The following ANK2 variants were observed in gnomAD, a reference collection of about 807,000 sequenced individuals.
The protein encoded by ANK2 is ankyrin-2.
Under a neutral mutation model 360.5 loss-of-function variants are expected in ANK2, and 83 were observed. The observed-to-expected ratio is 0.23, with a 90% confidence interval of 0.19 to 0.28. ANK2 has a LOEUF of 0.28. ANK2 is among the 10% of genes least tolerant of loss of function. ANK2 has a pLI of 1.00. For missense variants in ANK2, 4,201 were observed against 4,795.7 expected, an observed-to-expected ratio of 0.88 and a Z score of 3.66; for synonymous variants, 1,740 against 1,759.5, an observed-to-expected ratio of 0.99 and a Z score of 0.28.
chr4:113,021,955 C>T (rs940164430), intron 2 of ANK2, among the ~76,000 whole-genome samples: 1 of 152,162 alleles, frequency 6.6e-6, no homozygotes, highest in Non-Finnish European at 1.5e-5. Flanking sequence ...CTTTCTTCAT[C>T]GTCCATTTCC....
intron 1 of ANK2, among the ~76,000 whole-genome samples, chr4:113,130,967 A>T (rs928988168): frequency 2.6e-5 from 4 of 152,192 alleles, no homozygotes. Flanking sequence ...GAAATTAAAG[A>T]TGTTATGAAG....
intron 2 of ANK2, among the ~76,000 whole-genome samples, chr4:113,022,477 T>C (rs970720071): frequency 5.3e-5 from 8 of 152,194 alleles, no homozygotes; most frequent in South Asian, 2.1e-4. Context: ...TTGTTCTTGG[T>C]GAGTCTAGCA....
chr4:112,939,046 A>G (rs932363268), intron 2 of ANK2, among the ~76,000 whole-genome samples: 3 of 152,198 alleles, frequency 2.0e-5, no homozygotes, highest in Non-Finnish European at 4.4e-5. Context: ...CAAGTTTGTC[A>G]GAGTTGGTTT....
intron 1 of ANK2, among the ~76,000 whole-genome samples, chr4:112,862,852 C>A (rs2068605798): frequency 6.6e-6 from 1 of 151,734 alleles, no homozygotes; most frequent in South Asian, 2.1e-4. Flanking sequence ...GAGTTTGAGT[C>A]CAGCCTGGGT....
rs1047804656 is a variant in ANK2 at position 113,149,897 on chromosome 4, A to G, written c.85-24519A>G. ...CTCAAAAAAAAAAAAAAAAAAAAAA[A>G]AAAGAAAGATTGAAAGAAGAGAAGA... is the stretch of plus-strand genomic sequence containing the variant. On this transcript the variant is annotated intron_variant, in intron 1 of 45. Transcript: ENST00000357077. Among the ~76,000 whole-genome samples, 23 of 150,364 alleles carry G rather than the reference A, an allele frequency of 1.5e-4. No individual in the cohort carries two copies. The South Asian group carries it at 3.6e-3, about 24-fold the overall frequency.
intron 1 of ANK2, among the ~76,000 whole-genome samples, chr4:113,122,422 A>G (rs939094855): frequency 6.6e-6 from 1 of 152,190 alleles, no homozygotes; most frequent in Non-Finnish European, 1.5e-5. Context: ...CAGCCAGAAT[A>G]ACATGGCACT....
chr4:113,250,993 C>T (rs554021856), intron 10 of ANK2, among the ~76,000 whole-genome samples: 4 of 152,116 alleles, frequency 2.6e-5, no homozygotes, highest in Non-Finnish European at 5.9e-5. Context: ...AAATAATTAT[C>T]CGCGTTACTT....
the ANK2 span, among the ~76,000 whole-genome samples, chr4:112,740,756 G>A: frequency 7.4e-3 from 1,131 of 151,852 alleles, 19 homozygotes; most frequent in African/African-American, 0.026. Flanking sequence ...GCTTACGTCC[G>A]TAATCCCAGC....
intron 4 of ANK2, among the ~76,000 whole-genome samples, chr4:113,204,033 C>T (rs764675444): frequency 6.6e-6 from 1 of 152,048 alleles, no homozygotes; most frequent in Non-Finnish European, 1.5e-5. Flanking sequence ...TCTGCTGTTA[C>T]CACCAAGGAA....
At chr4:113,041,306 A>T (rs1022081629) in intron 2 of ANK2, among the ~76,000 whole-genome samples, 1 of 151,952 alleles carries the variant, frequency 6.6e-6, no homozygotes, top group Non-Finnish European at 1.5e-5. Flanking sequence ...CCCATGCCCC[A>T]CTCTGGTTTA....
intron 1 of ANK2, among the ~76,000 whole-genome samples, chr4:113,118,473 A>C (rs2095055013): frequency 6.6e-6 from 1 of 152,124 alleles, no homozygotes; most frequent in African/African-American, 2.4e-5. Flanking sequence ...TCACTTTTGG[A>C]AAGACACTTG....
chr4:112,925,267 A>G (rs115852154), intron 2 of ANK2, among the ~76,000 whole-genome samples: 19 of 152,344 alleles, frequency 1.2e-4, no homozygotes, highest in African/African-American at 4.6e-4. Context: ...GAAATGTACA[A>G]GAAAGAAAAG....
chr4:113,372,221 G>T (rs898545387), intron 43 of ANK2, among the ~76,000 whole-genome samples: 1 of 151,982 alleles, frequency 6.6e-6, no homozygotes, highest in South Asian at 2.1e-4. Flanking sequence ...TTTTTTTTAG[G>T]AGTTTAAGTA....
intron 1 of ANK2, among the ~76,000 whole-genome samples, chr4:113,152,065 CAAAAAAAAAAAAAGA>C (rs1411933537): frequency 4.3e-4 from 27 of 62,268 alleles, no homozygotes; most frequent in South Asian, 1.8e-3. Context: ...GTCTCTGTCT[CAAAAAAAAAAAAAGA>C]AAAAAAAAAA....
intron 1 of ANK2, among the ~76,000 whole-genome samples, chr4:112,849,400 C>A (rs2064096379): frequency 6.6e-6 from 1 of 152,158 alleles, no homozygotes; most frequent in African/African-American, 2.4e-5. Context: ...CTTGTGTCCA[C>A]TTCAATTAAT....
chr4:113,209,225 G>T (rs1488708683), intron 4 of ANK2, among the ~76,000 whole-genome samples: 1 of 151,912 alleles, frequency 6.6e-6, no homozygotes, highest in Non-Finnish European at 1.5e-5. Flanking sequence ...AACAAAGGAG[G>T]TCTTGCTATA....
intron 2 of ANK2, among the ~76,000 whole-genome samples, chr4:112,910,064 A>C (rs1216536400): frequency 6.6e-6 from 1 of 152,232 alleles, no homozygotes; most frequent in Non-Finnish European, 1.5e-5. Context: ...AATAAGCATA[A>C]GTTTCTACAA....
chr4:113,175,360 CT>C, intron 2 of ANK2, among the ~76,000 whole-genome samples: 1 of 152,176 alleles, frequency 6.6e-6, no homozygotes, highest in Non-Finnish European at 1.5e-5. Flanking sequence ...TCAAAAACAA[CT>C]TTTCAGAAAC....
intron 2 of ANK2, among the ~76,000 whole-genome samples, chr4:112,915,210 T>G (rs185542043): frequency 6.6e-6 from 1 of 152,064 alleles, no homozygotes; most frequent in African/African-American, 2.4e-5. Context: ...AGAGCAGGGA[T>G]CTTCTTAACT....
Sources: allele counts gnomAD v4.1 joint callset (sites outside exome capture counted in the v4.1 genomes callset), GRCh38; gene constraint gnomAD v4.1.1; transcripts MANE v1.5; gene names NCBI Gene and HGNC (gene_info 2026-07-23, HGNC 2026-07-21).